Variants in LRBA observed in about 807,000 individuals in gnomAD.
LRBA encodes the protein lipopolysaccharide-responsive and beige-like anchor protein.
Under a neutral mutation model 330.0 loss-of-function variants are expected in LRBA, and 176 were observed. That is an observed-to-expected ratio of 0.53 (90% confidence interval 0.47 to 0.60). The LOEUF (loss-of-function observed/expected upper bound fraction) is 0.60. LRBA is among the 20% of genes least tolerant of loss of function. The probability of loss-of-function intolerance (pLI) is 0.00; values close to 1 mark genes in which losing one functional copy is unlikely to be tolerated. For missense variants in LRBA, 3,259 were observed against 3,444.8 expected, an observed-to-expected ratio of 0.95 and a Z score of 1.35; for synonymous variants, 1,230 against 1,193.0, an observed-to-expected ratio of 1.03 and a Z score of -0.64.
chr4:150,442,210 T>A (rs1751934285), intron 44 of LRBA, among the ~76,000 whole-genome samples: 1 of 152,170 alleles, frequency 6.6e-6, no homozygotes, highest in Non-Finnish European at 1.5e-5. Flanking sequence ...TTTTCACACC[T>A]TTCTGTAAAG....
At chr4:150,921,113 C>A in intron 5 of LRBA, 85 bp downstream of exon 5, 2 of 801,424 alleles carry the variant, frequency 2.5e-6, no homozygotes, top group South Asian at 1.6e-5. Context: ...AGCACAGAAC[C>A]TGTCAGGGGT....
intron 48 of LRBA, among the ~76,000 whole-genome samples, chr4:150,344,051 G>C (rs1735940232): frequency 6.6e-6 from 1 of 152,010 alleles, no homozygotes; most frequent in South Asian, 2.1e-4. Flanking sequence ...CTTTCACACA[G>C]AGCTTGATAG....
At position 150,649,100 on chromosome 4, in the gene LRBA, A is replaced by G. The variant is rs529424178; in HGVS notation, c.5921+34451T>C. Among the ~76,000 whole-genome samples, 18 of 152,108 alleles carry G rather than the reference A, an allele frequency of 1.2e-4. No individual in the cohort carries two copies. In the South Asian group the frequency reaches 3.3e-3, roughly 28 times the overall value. ...TCTTAAGACCACTTCTTCTCCCACC[A>G]CTGTCCTAGTTTGGGCACTTGTTAT... On this transcript the variant is annotated intron_variant, in intron 37 of 56. Transcript: ENST00000651943.
At chr4:150,489,899 G>C (rs1758688485) in intron 41 of LRBA, among the ~76,000 whole-genome samples, 1 of 150,002 alleles carries the variant, frequency 6.7e-6, no homozygotes, top group African/African-American at 2.4e-5. Flanking sequence ...TCAAGGCCAC[G>C]AGGCAAAGGC....
At chr4:150,987,230 G>T (rs1185156448) in intron 2 of LRBA, among the ~76,000 whole-genome samples, 3 of 152,122 alleles carry the variant, frequency 2.0e-5, no homozygotes, top group Non-Finnish European at 4.4e-5. Context: ...TTGCAATTAA[G>T]AATATTTTAC....
chr4:150,452,031 T>C (rs1208011793), intron 44 of LRBA, among the ~76,000 whole-genome samples: 1 of 152,204 alleles, frequency 6.6e-6, no homozygotes, highest in African/African-American at 2.4e-5. Flanking sequence ...TATATCATCT[T>C]TTCCAGGAAA....
intron 35 of LRBA, among the ~76,000 whole-genome samples, chr4:150,750,071 C>T (rs1398938699): frequency 6.6e-6 from 1 of 152,178 alleles, no homozygotes; most frequent in Non-Finnish European, 1.5e-5. Flanking sequence ...GGGTTAGCTA[C>T]TTCTCTTCAT....
At chr4:150,381,707 T>C (rs951846450) in intron 47 of LRBA, among the ~76,000 whole-genome samples, 3 of 126,618 alleles carry the variant, frequency 2.4e-5, no homozygotes, top group African/African-American at 7.7e-5. Flanking sequence ...ATCTTGGATA[T>C]ACATATAACC....
intron 35 of LRBA, among the ~76,000 whole-genome samples, chr4:150,751,959 C>T (rs907907873): frequency 1.3e-5 from 2 of 152,092 alleles, no homozygotes; most frequent in African/African-American, 4.8e-5. Flanking sequence ...CTTTCTGTGA[C>T]CCCCATTAGC....
At chr4:150,921,077 A>C (rs1733201978) in intron 5 of LRBA, 121 bp downstream of exon 5, 6 of 623,160 alleles carry the variant, frequency 9.6e-6, no homozygotes. Context: ...TAAGGATTAA[A>C]GTATGTTGAG....
At chr4:150,986,254 T>C (rs772223803) in intron 2 of LRBA, among the ~76,000 whole-genome samples, 2 of 152,176 alleles carry the variant, frequency 1.3e-5, no homozygotes, top group Non-Finnish European at 2.9e-5. Flanking sequence ...GGTGGGTGGA[T>C]GGTTTCAAGA....
intron 40 of LRBA, among the ~76,000 whole-genome samples, chr4:150,510,213 TAATA>T (rs2152133327): frequency 6.6e-6 from 1 of 152,242 alleles, no homozygotes; most frequent in South Asian, 2.1e-4. Context: ...ATACAATATC[TAATA>T]AAGAAGTTAA....
At chr4:150,844,046 A>C (rs888825367) in intron 28 of LRBA, 54 bp downstream of exon 28, 70 of 1,088,008 alleles carry the variant, frequency 6.4e-5, no homozygotes, top group Non-Finnish European at 8.1e-5. Flanking sequence ...CATTAGGCCT[A>C]AGAGGAAATA....
intron 26 of LRBA, among the ~76,000 whole-genome samples, chr4:150,845,884 AT>A (rs1353421547): frequency 6.6e-6 from 1 of 152,186 alleles, no homozygotes; most frequent in East Asian, 1.9e-4. Context: ...ATAAAATCAA[AT>A]TTGAGTCTGT....
intron 40 of LRBA, among the ~76,000 whole-genome samples, chr4:150,542,404 A>G (rs577194503): frequency 1.8e-4 from 28 of 152,368 alleles, no homozygotes; most frequent in African/African-American, 6.5e-4. Flanking sequence ...TCACACATTA[A>G]AAGTGTCATT....
chr4:150,458,281 CT>C (rs1446813559), intron 44 of LRBA, among the ~76,000 whole-genome samples: 1 of 151,812 alleles, frequency 6.6e-6, no homozygotes, highest in African/African-American at 2.4e-5. Context: ...CTGTAAATGC[CT>C]TATAACATCC....
chr4:150,384,249 A>C (rs1742733422), intron 47 of LRBA, among the ~76,000 whole-genome samples: 1 of 151,698 alleles, frequency 6.6e-6, no homozygotes, highest in African/African-American at 2.4e-5. Context: ...TGTTGGTTGG[A>C]CTGGTCTTGA....
intron 25 of LRBA, among the ~76,000 whole-genome samples, 157 bp from the exon 26 acceptor site, chr4:150,849,155 G>A (rs1750274463): frequency 6.6e-6 from 1 of 152,056 alleles, no homozygotes; most frequent in Admixed American, 6.5e-5. Flanking sequence ...TAAAAAGGGT[G>A]GGGGATGAGG....
chr4:150,917,045 C>T (rs999261699), intron 5 of LRBA, among the ~76,000 whole-genome samples: 5 of 151,624 alleles, frequency 3.3e-5, no homozygotes, highest in Non-Finnish European at 7.4e-5. Context: ...CCCAGCTACT[C>T]GGGAGGCTGA....
Sources: gnomAD v4.1 joint callset for allele counts (sites outside exome capture counted in the v4.1 genomes callset) on GRCh38, gnomAD v4.1.1 for gene constraint, MANE v1.5 for transcripts, NCBI Gene and HGNC (gene_info 2026-07-23, HGNC 2026-07-21) for gene names.